Variants in KLHL29 observed in about 807,000 individuals in gnomAD.
KLHL29 encodes kelch-like protein 29.
Under a neutral mutation model 80.4 loss-of-function variants are expected in KLHL29, and 21 were observed. The ratio of observed to expected loss-of-function variants is 0.26; its 90% CI spans 0.19 to 0.38. The LOEUF (loss-of-function observed/expected upper bound fraction) is 0.38, where lower values mean the gene tolerates loss of function less well. Ranked by LOEUF, KLHL29 falls within the 10% of genes least tolerant of loss-of-function variation. KLHL29 has a pLI of 1.00. For synonymous variants in KLHL29, 511 were observed against 526.8 expected, an observed-to-expected ratio of 0.97 and a Z score of 0.41; for missense variants, 867 against 1,223.9, an observed-to-expected ratio of 0.71 and a Z score of 4.35.
chr2:23,648,992 A>T lies in KLHL29; in HGVS notation c.940+6142A>T, dbSNP rs140199988. On this transcript the variant is annotated intron_variant, in intron 5 of 13. Transcript: ENST00000486442. ...GCTTTGAGGATTAAATAATGTATGTAAAGTCTTAACCCAGTGCCTGGCACG... is the reference window on the plus strand; with the variant it reads ...GCTTTGAGGATTAAATAATGTATGTTAAGTCTTAACCCAGTGCCTGGCACG... Among the ~76,000 whole-genome samples the T allele has an allele frequency of 7.9e-5, 12 of 152,392 alleles. No homozygotes were observed. In the East Asian group the frequency reaches 2.3e-3, roughly 29 times the overall value.
intron 1 of KLHL29, among the ~76,000 whole-genome samples, chr2:23,446,754 T>G (rs1160146882): frequency 2.0e-5 from 3 of 152,240 alleles, no homozygotes; most frequent in Non-Finnish European, 4.4e-5. Context: ...CCAGCTTTCC[T>G]GACATTATTT....
rs960891571 is a variant in KLHL29, at chr2:23,562,823, C to A, written c.285+342C>A. On this transcript the variant is annotated intron_variant, in intron 3 of 13. Coordinates refer to ENST00000486442, the MANE Select transcript of KLHL29 (RefSeq NM_052920.2). The surrounding 1 kb of genome is among the most constrained non-coding windows in gnomAD (Gnocchi z 4.5). ...GGGTTCCTAAATAGATAAATTGAGA[C>A]CATGCAAGCATCCCTGGGGGTGCCA... Among the ~76,000 whole-genome samples the A allele has an allele frequency of 4.6e-5, 7 of 152,096 alleles. No individual in the cohort carries two copies. Among genetic ancestry groups the A allele is most frequent in the Non-Finnish European group, 1.0e-4 (7 of 68,016 alleles).
intron 3 of KLHL29, among the ~76,000 whole-genome samples, chr2:23,622,725 C>T (rs1246959313): frequency 6.6e-6 from 1 of 152,244 alleles, no homozygotes; most frequent in Non-Finnish European, 1.5e-5. Flanking sequence ...GCTGAGCATT[C>T]AACCGGACGC....
intron 7 of KLHL29, 99 bp from the exon 8 acceptor site, chr2:23,693,170 G>A (rs1671731740): frequency 2.9e-6 from 4 of 1,359,436 alleles, no homozygotes; most frequent in Non-Finnish European, 3.0e-6. Context: ...GGTCCCCCGG[G>A]ATGTGGGTTC....
intron 3 of KLHL29, among the ~76,000 whole-genome samples, chr2:23,574,924 C>T (rs922738327): frequency 4.6e-5 from 7 of 152,038 alleles, no homozygotes; most frequent in African/African-American, 1.4e-4. Flanking sequence ...TGTGCTGGGC[C>T]GGTTACAAGG....
chr2:23,552,761 CTTTTT>C (rs60558023), intron 2 of KLHL29, among the ~76,000 whole-genome samples: 5 of 95,572 alleles, frequency 5.2e-5, no homozygotes, highest in Admixed American at 4.0e-4. Context: ...GGTTTCTTTT[CTTTTT>C]TTTTTTTTTT....
chr2:23,498,917 G>C (rs1665351110), intron 2 of KLHL29, among the ~76,000 whole-genome samples: 2 of 152,212 alleles, frequency 1.3e-5, no homozygotes, highest in Non-Finnish European at 1.5e-5. Context: ...GAAAGTGACA[G>C]AGCCTACGGA....
chr2:23,485,213 C>T (rs373733320), intron 2 of KLHL29, among the ~76,000 whole-genome samples: 4 of 152,328 alleles, frequency 2.6e-5, no homozygotes, highest in Non-Finnish European at 5.9e-5. Context: ...CTCAGCCCCA[C>T]GTCCTCAGAT....
At chr2:23,660,609 C>G (rs1357476700) in intron 5 of KLHL29, among the ~76,000 whole-genome samples, 1 of 152,258 alleles carries the variant, frequency 6.6e-6, no homozygotes, top group Non-Finnish European at 1.5e-5. Context: ...TAACTGTCCC[C>G]ACAGCCCCCA....
chr2:23,499,530 A>C (rs1025998839), intron 2 of KLHL29, among the ~76,000 whole-genome samples: 1 of 152,182 alleles, frequency 6.6e-6, no homozygotes, highest in Non-Finnish European at 1.5e-5. Flanking sequence ...TAGGGTAGCT[A>C]TGGAGTAATC....
chr2:23,419,666 A>G (rs1662727550), intron 1 of KLHL29, among the ~76,000 whole-genome samples: 1 of 152,164 alleles, frequency 6.6e-6, no homozygotes, highest in South Asian at 2.1e-4. Context: ...ATGAGTCCTC[A>G]GGATAACAGT....
chr2:23,450,838 T>G (rs1361092444), intron 1 of KLHL29, among the ~76,000 whole-genome samples: 1 of 152,200 alleles, frequency 6.6e-6, no homozygotes, highest in African/African-American at 2.4e-5. Context: ...TCCCTATGGC[T>G]TATATTAGAG....
At chr2:23,694,418 C>G (rs549049032) in intron 8 of KLHL29, among the ~76,000 whole-genome samples, 65 of 152,304 alleles carry the variant, frequency 4.3e-4, no homozygotes, top group African/African-American at 1.5e-3. Context: ...AAGTGGTTTC[C>G]TTGCCTCTGT....
chr2:23,427,896 C>CA (rs1201527516), intron 1 of KLHL29, among the ~76,000 whole-genome samples: 5 of 152,092 alleles, frequency 3.3e-5, no homozygotes, highest in African/African-American at 1.2e-4. Context: ...TCTGTTTGCC[C>CA]ATCTTCCTGT....
intron 1 of KLHL29, among the ~76,000 whole-genome samples, chr2:23,433,754 A>T (rs1485834676): frequency 6.6e-6 from 1 of 152,048 alleles, no homozygotes; most frequent in Non-Finnish European, 1.5e-5. Context: ...ATCTCTACGA[A>T]AAAAATTTTT....
Position 23,707,078 on chromosome 2 carries a change from G to A in KLHL29, c.*414G>A, listed in dbSNP as rs982637255. ...GGCTCTCTTGGAATAAGATCAAAGT[G>A]TCCTTATCACTTTGATTCCTACTTT... On this transcript the variant is annotated 3_prime_UTR_variant, in exon 14 of 14. Coordinates refer to ENST00000486442, the MANE Select transcript of KLHL29 (RefSeq NM_052920.2). 1.3e-5 allele frequency: 2 copies of A among 154,982 alleles called. No homozygotes were observed. The highest frequency in any genetic ancestry group is 2.4e-5 in the African/African-American group (1 of 41,522). The allele number at this position is 154,982 out of a possible 1,614,324, so 9.6% of individuals were successfully genotyped here.
intron 2 of KLHL29, among the ~76,000 whole-genome samples, chr2:23,501,553 T>C (rs1374926396): frequency 6.6e-6 from 1 of 151,950 alleles, no homozygotes; most frequent in Non-Finnish European, 1.5e-5. Context: ...AGCAAAAGAG[T>C]TGAAGTAATT....
intron 2 of KLHL29, among the ~76,000 whole-genome samples, chr2:23,505,136 T>C (rs952372679): frequency 6.6e-6 from 1 of 152,232 alleles, no homozygotes; most frequent in African/African-American, 2.4e-5. Flanking sequence ...TGTCTCTCCC[T>C]TCGAGGTTAA....
At chr2:23,610,988 G>A (rs904620480) in intron 3 of KLHL29, among the ~76,000 whole-genome samples, 1 of 152,086 alleles carries the variant, frequency 6.6e-6, no homozygotes, top group Non-Finnish European at 1.5e-5. Context: ...ACCTTCAAGT[G>A]GATGGAAAGA....
Sources: gnomAD v4.1 joint callset for allele counts (sites outside exome capture counted in the v4.1 genomes callset) on GRCh38, gnomAD v4.1.1 for gene constraint, Gnocchi (gnomAD v3.1) non-coding constraint, MANE v1.5 for transcripts, NCBI Gene and HGNC (gene_info 2026-07-23, HGNC 2026-07-21) for gene names.